SLCO5A1: variants seen among roughly 807,000 people sequenced by gnomAD.
SLCO5A1 encodes the protein solute carrier organic anion transporter family member 5A1, also known as organic anion transporter polypeptide-related protein 4.
SLCO5A1 carries 39 observed loss-of-function variants against 65.1 expected under a neutral mutation model. The ratio of observed to expected loss-of-function variants is 0.60; its 90% confidence interval spans 0.46 to 0.78. SLCO5A1 has a LOEUF of 0.78. SLCO5A1 is among the 30% of genes least tolerant of loss of function. SLCO5A1 has a pLI of 0.00. For missense variants in SLCO5A1, 1,029 were observed against 1,069.4 expected (o/e 0.96, Z 0.53); for synonymous variants, 438 against 415.7 (o/e 1.05, Z -0.65).
chr8:69,820,914 C>T (rs1239216291), intron 2 of SLCO5A1, among the ~76,000 whole-genome samples: 2 of 152,060 alleles, frequency 1.3e-5, no homozygotes, highest in South Asian at 2.1e-4. Flanking sequence ...AATCCCCAGG[C>T]AGAAACAGGC....
chr8:69,688,264 C>T (rs1485058677), intron 6 of SLCO5A1, among the ~76,000 whole-genome samples: 1 of 152,134 alleles, frequency 6.6e-6, no homozygotes, highest in African/African-American at 2.4e-5. Flanking sequence ...CTTCTTTCCC[C>T]TCTAATTCTC....
intron 2 of SLCO5A1, among the ~76,000 whole-genome samples, chr8:69,828,644 G>A (rs1024606011): frequency 6.6e-6 from 1 of 151,836 alleles, no homozygotes; most frequent in African/African-American, 2.4e-5. Flanking sequence ...GAAAGAAAAT[G>A]AATACCATTT....
At chr8:69,763,614 CAAAAAAAAAAAAAAAA>C (rs770191440) in intron 2 of SLCO5A1, among the ~76,000 whole-genome samples, 18 of 13,166 alleles carry the variant, frequency 1.4e-3, no homozygotes, top group Non-Finnish European at 2.8e-3. Context: ...AGCAAGACTC[CAAAAAAAAAAAAAAAA>C]AAAAAAAAAA....
At chr8:69,682,016 G>T (rs1002714905) in intron 7 of SLCO5A1, among the ~76,000 whole-genome samples, 168 bp downstream of exon 7, 1 of 152,128 alleles carries the variant, frequency 6.6e-6, no homozygotes, top group South Asian at 2.1e-4. Context: ...AAAAATAATA[G>T]CAATGCATAA....
At chr8:69,818,948 C>T (rs1334127540) in intron 2 of SLCO5A1, among the ~76,000 whole-genome samples, 1 of 152,130 alleles carries the variant, frequency 6.6e-6, no homozygotes, top group East Asian at 1.9e-4. Flanking sequence ...CATCATTCAG[C>T]CTCATGTTAG....
At chr8:69,754,053 A>G (rs566609720) in intron 4 of SLCO5A1, among the ~76,000 whole-genome samples, 1 of 152,058 alleles carries the variant, frequency 6.6e-6, no homozygotes, top group East Asian at 1.9e-4. Context: ...CTATGTTTTA[A>G]ATTCTTTGAC....
chr8:69,709,370 T>C (rs1815121340), intron 5 of SLCO5A1, among the ~76,000 whole-genome samples: 1 of 152,190 alleles, frequency 6.6e-6, no homozygotes, highest in Non-Finnish European at 1.5e-5. Flanking sequence ...ATAGAATTAA[T>C]AGCACAGATA....
chr8:69,772,588 GGAAA>G (rs1818369854), intron 2 of SLCO5A1, among the ~76,000 whole-genome samples: 4 of 120,652 alleles, frequency 3.3e-5, no homozygotes, highest in South Asian at 3.3e-4. Context: ...GGAAAGGAAA[GGAAA>G]GGAAAGGAAA....
intron 2 of SLCO5A1, among the ~76,000 whole-genome samples, chr8:69,799,401 T>C (rs1425001664): frequency 5.3e-5 from 8 of 152,222 alleles, no homozygotes; most frequent in African/African-American, 1.7e-4. Context: ...AATCAATTTT[T>C]TTTCATGCTT....
chr8:69,707,175 C>G (rs1453494777), intron 5 of SLCO5A1, among the ~76,000 whole-genome samples: 2 of 152,012 alleles, frequency 1.3e-5, no homozygotes, highest in Admixed American at 1.3e-4. Flanking sequence ...ATAAAGAAAT[C>G]ATCATGGTGC....
chr8:69,724,293 T>C (rs117745553), intron 5 of SLCO5A1, among the ~76,000 whole-genome samples: 2,893 of 152,288 alleles, frequency 0.019, 40 homozygotes, highest in Non-Finnish European at 0.028. Context: ...TGAATAATAA[T>C]ATCACTGAAC....
intron 2 of SLCO5A1, among the ~76,000 whole-genome samples, chr8:69,784,197 A>T (rs1818915863): frequency 6.6e-6 from 1 of 152,248 alleles, no homozygotes. Context: ...TTACAATTCA[A>T]TAATTAGAAG....
intron 2 of SLCO5A1, among the ~76,000 whole-genome samples, chr8:69,807,008 A>T (rs1177333410): frequency 6.6e-6 from 1 of 152,242 alleles, no homozygotes. Flanking sequence ...ATTCATATGG[A>T]ACCAAAAAAG....
At chr8:69,728,215 A>G (rs981363621) in intron 5 of SLCO5A1, among the ~76,000 whole-genome samples, 1 of 152,168 alleles carries the variant, frequency 6.6e-6, no homozygotes, top group African/African-American at 2.4e-5. Context: ...TATATTATAT[A>G]TATTGCATAC....
At chr8:69,674,602 A>C (rs1304086537) in intron 9 of SLCO5A1, among the ~76,000 whole-genome samples, 3 of 152,282 alleles carry the variant, frequency 2.0e-5, no homozygotes, top group Middle Eastern at 3.4e-3. Flanking sequence ...TAAATGTCTG[A>C]AATGTTCTCC....
At chr8:69,779,968 T>C (rs187395566) in intron 2 of SLCO5A1, among the ~76,000 whole-genome samples, 1 of 152,096 alleles carries the variant, frequency 6.6e-6, no homozygotes, top group African/African-American at 2.4e-5. Flanking sequence ...ACAAAAATAA[T>C]TCTATTAAAA....
At chr8:69,772,664 G>GAAAGGAAAGGAAAGGAA (rs1471595115) in intron 2 of SLCO5A1, among the ~76,000 whole-genome samples, 10 of 151,532 alleles carry the variant, frequency 6.6e-5, no homozygotes, top group South Asian at 2.1e-4. Flanking sequence ...GAAAAGAAAT[G>GAAAGGAAAGGAAAGGAA]ATTCTGGAGC....
intron 2 of SLCO5A1, among the ~76,000 whole-genome samples, chr8:69,790,454 ATCCCT>A (rs1301221703): frequency 6.6e-6 from 1 of 152,102 alleles, no homozygotes; most frequent in South Asian, 2.1e-4. Flanking sequence ...AACACTTAAT[ATCCCT>A]AATAAATTTT....
chr8:69,753,039 T>C (rs1817385715), intron 4 of SLCO5A1, among the ~76,000 whole-genome samples: 1 of 152,196 alleles, frequency 6.6e-6, no homozygotes, highest in African/African-American at 2.4e-5. Context: ...AGTGTATACA[T>C]TCAATTTCCA....
Sources: gnomAD v4.1 joint callset for allele counts (sites outside exome capture counted in the v4.1 genomes callset) on GRCh38, gnomAD v4.1.1 for gene constraint, MANE v1.5 for transcripts, NCBI Gene and HGNC (gene_info 2026-07-23, HGNC 2026-07-21) for gene names.